Variants in LINGO2 observed in about 807,000 individuals in gnomAD.
LINGO2 encodes leucine rich repeat and Ig domain containing 2, also known as leucine-rich repeat and immunoglobulin-like domain-containing nogo receptor-interacting protein 2.
LINGO2 carries 14 observed loss-of-function variants against 30.6 expected under a neutral mutation model. That is an observed-to-expected ratio of 0.46 (90% CI 0.30 to 0.72). LINGO2 has a LOEUF of 0.72. Among genes scored for constraint, LINGO2 ranks in the 30% least tolerant of loss-of-function variants. LINGO2 has a pLI of 0.07. For missense variants in LINGO2, 729 were observed against 751.7 expected (o/e 0.97, Z 0.35); for synonymous variants, 317 against 288.5 (o/e 1.10, Z -1.00).
rs1272367808 is a variant in LINGO2, at chr9:28,179,572, C to T, written c.-87+115636G>A. On this transcript the variant is annotated intron_variant, in intron 4 of 5. Coordinates refer to ENST00000379992, the Ensembl canonical transcript of LINGO2. ...CTATATATACTATAGAGTATGTATA[C>T]GATATGTAGTATTTTATACTATATA... is the stretch of plus-strand genomic sequence containing the variant. 1.7e-4 allele frequency among the ~76,000 whole-genome samples: 20 copies of T among 116,046 alleles called. 1 individual carries two copies. The highest frequency in any genetic ancestry group is 5.8e-3 in the Middle Eastern group (1 of 172). The allele number at this position is 116,046 out of a possible 152,430, so 76.1% of individuals were successfully genotyped here.
chr9:28,474,038 C>A (rs1482879936), intron 2 of LINGO2, among the ~76,000 whole-genome samples: 1 of 152,054 alleles, frequency 6.6e-6, no homozygotes, highest in Non-Finnish European at 1.5e-5. Flanking sequence ...ATTACTTTGA[C>A]ACAGATGGTA....
Position 28,328,552 on chromosome 9 carries a change from C to T in LINGO2, c.-245-33186G>A, listed in dbSNP as rs1825310001. 2.3e-5 allele frequency among the ~76,000 whole-genome samples: 3 copies of T among 128,648 alleles called. No individual in the cohort carries two copies. The South Asian group carries it at 7.1e-4, about 30-fold the overall frequency. 84.4% of individuals were successfully genotyped at this position (128,648 alleles called of 152,430 possible). A position where few individuals can be genotyped will look rare whatever the true frequency, so the allele number is the denominator to read the frequency against. ...TAGAAAGATTTTTTAAAAAGTCCAT[C>T]TTTGAAAAAAAAAAAGCAGAATGAC... is the stretch of plus-strand genomic sequence containing the variant. On this transcript the variant is annotated intron_variant, in intron 3 of 5. Transcript: ENST00000379992.
chr9:28,091,771 G>T (rs962327695), intron 4 of LINGO2, among the ~76,000 whole-genome samples: 1 of 152,068 alleles, frequency 6.6e-6, no homozygotes, highest in South Asian at 2.1e-4. Context: ...GCAACCTACA[G>T]AATGGGAGAA....
chr9:29,195,302 A>AT, the LINGO2 span, among the ~76,000 whole-genome samples: 1 of 151,512 alleles, frequency 6.6e-6, no homozygotes, highest in African/African-American at 2.4e-5. Context: ...TTGTTTCCTT[A>AT]TTTTTTGTTA....
the LINGO2 span, among the ~76,000 whole-genome samples, chr9:29,204,476 G>T: frequency 6.3e-4 from 96 of 152,208 alleles, no homozygotes; most frequent in Middle Eastern, 3.4e-3. Context: ...GTGACCCAGG[G>T]CCTACCTACT....
chr9:28,173,463 T>A (rs919364250), intron 4 of LINGO2, among the ~76,000 whole-genome samples: 10 of 152,094 alleles, frequency 6.6e-5, no homozygotes, highest in Admixed American at 4.6e-4. Context: ...TTTTATTGAG[T>A]CTTTAAGGGA....
At chr9:28,986,265 T>C in the LINGO2 span, among the ~76,000 whole-genome samples, 4 of 152,092 alleles carry the variant, frequency 2.6e-5, no homozygotes, top group Non-Finnish European at 5.9e-5. Flanking sequence ...TACCATGTTA[T>C]TTTAATTACT....
intron 1 of LINGO2, among the ~76,000 whole-genome samples, chr9:28,556,342 T>TACACCAACA (rs1199538170): frequency 1.3e-5 from 2 of 150,684 alleles, no homozygotes; most frequent in Non-Finnish European, 2.9e-5. Flanking sequence ...AGCATTCTTA[T>TACACCAACA]ACACCAACAA....
At chr9:27,952,538 C>T (rs1005491374) in intron 5 of LINGO2, among the ~76,000 whole-genome samples, 1 of 151,872 alleles carries the variant, frequency 6.6e-6, no homozygotes, top group Non-Finnish European at 1.5e-5. Flanking sequence ...TGCATTCACA[C>T]ATAAGATACA....
chr9:28,454,628 AG>A (rs966506753), intron 2 of LINGO2, among the ~76,000 whole-genome samples: 4 of 151,974 alleles, frequency 2.6e-5, no homozygotes, highest in African/African-American at 9.7e-5. Flanking sequence ...GTACTGTATA[AG>A]TTTTGATCAT....
chr9:28,267,564 G>T (rs189965421), intron 4 of LINGO2, among the ~76,000 whole-genome samples: 1 of 152,006 alleles, frequency 6.6e-6, no homozygotes, highest in Admixed American at 6.6e-5. Context: ...ATCATTCTGT[G>T]GTTTTCCACT....
chr9:28,168,395 A>G (rs1356790640), intron 4 of LINGO2, among the ~76,000 whole-genome samples: 1 of 152,246 alleles, frequency 6.6e-6, no homozygotes, highest in South Asian at 2.1e-4. Flanking sequence ...AGGCTTCTTC[A>G]GGAAAAATAA....
chr9:28,964,777 C>T, the LINGO2 span, among the ~76,000 whole-genome samples: 1 of 151,684 alleles, frequency 6.6e-6, no homozygotes, highest in African/African-American at 2.4e-5. Context: ...TGGTATAATC[C>T]CTAGGCTTAG....
At chr9:27,996,551 G>A (rs1439317142) in intron 5 of LINGO2, among the ~76,000 whole-genome samples, 2 of 152,064 alleles carry the variant, frequency 1.3e-5, no homozygotes, top group African/African-American at 4.8e-5. Flanking sequence ...TCTCTCATGT[G>A]CAAATTATCT....
At chr9:28,456,613 T>C (rs1357810662) in intron 2 of LINGO2, among the ~76,000 whole-genome samples, 2 of 152,186 alleles carry the variant, frequency 1.3e-5, no homozygotes, top group African/African-American at 4.8e-5. Context: ...AATTGCCCAG[T>C]AGTCTACCCA....
At chr9:27,963,296 A>T (rs965210366) in intron 5 of LINGO2, among the ~76,000 whole-genome samples, 1 of 152,172 alleles carries the variant, frequency 6.6e-6, no homozygotes, top group Non-Finnish European at 1.5e-5. Context: ...TCAGGACAGA[A>T]AGCAAACCAA....
chr9:28,980,031 A>G, the LINGO2 span, among the ~76,000 whole-genome samples: 1 of 152,152 alleles, frequency 6.6e-6, no homozygotes, highest in Non-Finnish European at 1.5e-5. Flanking sequence ...CAAGCAAACA[A>G]TGTCTTGATC....
intron 2 of LINGO2, among the ~76,000 whole-genome samples, chr9:28,416,409 C>A (rs1008115995): frequency 4.6e-5 from 7 of 152,122 alleles, no homozygotes; most frequent in African/African-American, 1.7e-4. Flanking sequence ...AAACTGATTT[C>A]TAAGAATATT....
the LINGO2 span, among the ~76,000 whole-genome samples, chr9:28,925,191 A>G: frequency 2.6e-5 from 4 of 152,226 alleles, no homozygotes; most frequent in African/African-American, 9.6e-5. Flanking sequence ...TTAAAATAGA[A>G]TAACCCTTCC....
Sources: allele counts gnomAD v4.1 joint callset (sites outside exome capture counted in the v4.1 genomes callset), GRCh38; gene constraint gnomAD v4.1.1; transcripts MANE v1.5; gene names NCBI Gene and HGNC (gene_info 2026-07-23, HGNC 2026-07-21).